CADPS2: variants seen among roughly 807,000 people sequenced by gnomAD.
CADPS2 encodes calcium-dependent secretion activator 2.
Under a neutral mutation model 172.5 loss-of-function variants are expected in CADPS2, and 93 were observed. The observed-to-expected ratio is 0.54, with a 90% confidence interval of 0.46 to 0.64. The LOEUF (loss-of-function observed/expected upper bound fraction) is 0.64. Ranked by LOEUF, CADPS2 falls within the 30% of genes least tolerant of loss-of-function variation. CADPS2 has a pLI of 0.00. For missense variants in CADPS2, 1,420 were observed against 1,565.9 expected (o/e 0.91, Z 1.57); for synonymous variants, 546 against 555.2 (o/e 0.98, Z 0.23).
At chr7:122,479,223 T>G (rs898278828) in intron 12 of CADPS2, among the ~76,000 whole-genome samples, 2 of 152,308 alleles carry the variant, frequency 1.3e-5, no homozygotes, top group African/African-American at 4.8e-5. Flanking sequence ...ATGACTCTTT[T>G]GAAATATAAT....
At chr7:122,612,993 T>C (rs916708614) in intron 6 of CADPS2, among the ~76,000 whole-genome samples, 7 of 152,080 alleles carry the variant, frequency 4.6e-5, no homozygotes, top group Admixed American at 2.6e-4. Flanking sequence ...AATAGTTCCA[T>C]GTAAAAGAAG....
intron 3 of CADPS2, among the ~76,000 whole-genome samples, chr7:122,635,908 T>C (rs899741939): frequency 1.5e-5 from 2 of 137,404 alleles, no homozygotes; most frequent in Non-Finnish European, 3.1e-5. Context: ...TTCTATCTGA[T>C]ATGAGAATAG....
intron 1 of CADPS2, among the ~76,000 whole-genome samples, chr7:122,864,444 C>T (rs1363559580): frequency 6.6e-6 from 1 of 151,890 alleles, no homozygotes; most frequent in Non-Finnish European, 1.5e-5. Flanking sequence ...ATTGCCACTG[C>T]ACTCGAGCCT....
At chr7:122,816,983 A>C (rs1305521082) in intron 1 of CADPS2, among the ~76,000 whole-genome samples, 25 of 131,388 alleles carry the variant, frequency 1.9e-4, no homozygotes, top group African/African-American at 3.9e-4. Context: ...TGCGACCCCC[A>C]CTCCTGCCCG....
intron 1 of CADPS2, among the ~76,000 whole-genome samples, chr7:122,766,194 C>T (rs1272513950): frequency 6.6e-6 from 1 of 151,990 alleles, no homozygotes; most frequent in Non-Finnish European, 1.5e-5. Flanking sequence ...TAGAGAAAGG[C>T]ATAAAAATGT....
chr7:122,514,286 T>C (rs927114306), intron 8 of CADPS2, among the ~76,000 whole-genome samples: 1 of 152,176 alleles, frequency 6.6e-6, no homozygotes, highest in Non-Finnish European at 1.5e-5. Flanking sequence ...GGATTAACAG[T>C]GCAGAGGCTG....
chr7:122,724,085 A>C (rs1490322602), intron 2 of CADPS2, among the ~76,000 whole-genome samples: 1 of 151,788 alleles, frequency 6.6e-6, no homozygotes, highest in African/African-American at 2.4e-5. Context: ...GTAAATGACG[A>C]GTTGATGGGT....
chr7:122,719,557 G>A (rs1304013874), intron 2 of CADPS2, among the ~76,000 whole-genome samples: 2 of 152,076 alleles, frequency 1.3e-5, no homozygotes, highest in Non-Finnish European at 2.9e-5. Context: ...CACGAGCAGA[G>A]GTTAAGTGTA....
intron 2 of CADPS2, among the ~76,000 whole-genome samples, chr7:122,693,520 T>C (rs952562712): frequency 6.6e-6 from 1 of 152,196 alleles, no homozygotes; most frequent in Non-Finnish European, 1.5e-5. Context: ...TGGAATACCC[T>C]GGGCAACTTC....
At chr7:122,831,418 T>C (rs1366065290) in intron 1 of CADPS2, among the ~76,000 whole-genome samples, 1 of 152,224 alleles carries the variant, frequency 6.6e-6, no homozygotes, top group Non-Finnish European at 1.5e-5. Context: ...TATCTTCAAT[T>C]ATGGAAATTC....
In CADPS2 at chr7:122,683,240, C is replaced by T. The variant is rs552750859; in HGVS notation, c.454-19671G>A. 4.6e-5 allele frequency among the ~76,000 whole-genome samples: 7 copies of T among 152,310 alleles called. No individual in the cohort carries two copies. The South Asian group carries it at 1.4e-3, about 32-fold the overall frequency. ...CCACATCTATCTGTAGTTTCTGATG[C>T]TCAGTTGCTGCTTCTCAGCTTACTC... On this transcript the variant is annotated intron_variant, in intron 2 of 29. Coordinates refer to ENST00000449022, the MANE Select transcript of CADPS2 (RefSeq NM_017954.11).
rs182856559 is a variant in CADPS2, at chr7:122,472,065, T to C, written c.1999-503A>G. Among the ~76,000 whole-genome samples the C allele has an allele frequency of 1.8e-3, 269 of 152,328 alleles. 7 individuals carry two copies. Among genetic ancestry groups the C allele is most frequent in the Admixed American group, 0.014 (211 of 15,286 alleles). On this transcript the variant is annotated intron_variant, in intron 13 of 29. Transcript: ENST00000449022. ...ATTCTGTTTGTCTTCCTATGAACAATATAACAGAGTTAATGCTTTATATTA... is the reference window on the plus strand; with the variant it reads ...ATTCTGTTTGTCTTCCTATGAACAACATAACAGAGTTAATGCTTTATATTA...
chr7:122,539,543 G>A lies in CADPS2; in HGVS notation c.1475+15007C>T, dbSNP rs149709120. On this transcript the variant is annotated intron_variant, in intron 8 of 29. Transcript: ENST00000449022. ...GTAAAACAAAAGAGGGGCTGGTGAT[G>A]GTGAGTCATTAAAAGAGAAATAACA... Among the ~76,000 whole-genome samples, 6 of 152,144 alleles carry A rather than the reference G, an allele frequency of 3.9e-5. No homozygotes were observed. The East Asian group carries it at 1.2e-3, about 29-fold the overall frequency.
At chr7:122,781,552 T>C (rs1019601965) in intron 1 of CADPS2, among the ~76,000 whole-genome samples, 2 of 152,190 alleles carry the variant, frequency 1.3e-5, no homozygotes, top group African/African-American at 4.8e-5. Context: ...GATACAACTT[T>C]GAATATTTTG....
intron 19 of CADPS2, among the ~76,000 whole-genome samples, chr7:122,413,534 A>G (rs2047550692): frequency 6.6e-6 from 1 of 152,228 alleles, no homozygotes; most frequent in Non-Finnish European, 1.5e-5. Context: ...AGGGAGAATG[A>G]AAATAAAAGG....
chr7:122,428,468 TATA>T (rs200914736), intron 17 of CADPS2, among the ~76,000 whole-genome samples: 7,945 of 130,090 alleles, frequency 0.061, 504 homozygotes, highest in African/African-American at 0.18. Context: ...TATATATATA[TATA>T]TTTTTTTTTT....
intron 1 of CADPS2, among the ~76,000 whole-genome samples, chr7:122,757,936 G>A (rs1036151099): frequency 6.6e-6 from 1 of 151,948 alleles, no homozygotes; most frequent in African/African-American, 2.4e-5. Flanking sequence ...ATCAACAGAG[G>A]CATGAGATAA....
intron 1 of CADPS2, among the ~76,000 whole-genome samples, chr7:122,741,042 T>C (rs2092448009): frequency 6.6e-6 from 1 of 152,156 alleles, no homozygotes; most frequent in South Asian, 2.1e-4. Flanking sequence ...TAGAAGGTTA[T>C]TTACCACATA....
At chr7:122,688,751 C>T (rs1366468944) in intron 2 of CADPS2, among the ~76,000 whole-genome samples, 1 of 123,464 alleles carries the variant, frequency 8.1e-6, no homozygotes, top group Non-Finnish European at 1.8e-5. Context: ...CATTTTATGG[C>T]TACATGGTTG....
Sources: allele counts gnomAD v4.1 joint callset (sites outside exome capture counted in the v4.1 genomes callset), GRCh38; gene constraint gnomAD v4.1.1; transcripts MANE v1.5; gene names NCBI Gene and HGNC (gene_info 2026-07-23, HGNC 2026-07-21).